The following SPAG16 variants were observed in gnomAD, a reference collection of about 807,000 sequenced individuals.
SPAG16 encodes sperm associated antigen 16, also known as sperm-associated antigen 16 protein.
In SPAG16, 86 loss-of-function variants were observed where a neutral mutation model predicts 80.4. The ratio of observed to expected loss-of-function variants is 1.07; its 90% CI spans 0.90 to 1.28. SPAG16 has a LOEUF of 1.28. Among genes scored for constraint, SPAG16 ranks in the 50% most tolerant of loss-of-function variants. The pLI is 0.00. For synonymous variants in SPAG16, 294 were observed against 265.9 expected (o/e 1.11, Z -1.03); for missense variants, 870 against 765.3 (o/e 1.14, Z -1.61).
In SPAG16 at chr2:213,890,129, T is replaced by C. The variant is rs113224050; in HGVS notation, c.1214+27501T>C. ...ATAATTTAGTGTCCTTTAAGTGAAT[T>C]AAGCAATTTCAAGCCTTATAAACAT... On this transcript the variant is annotated intron_variant, in intron 11 of 15. Transcript: ENST00000331683. Among the ~76,000 whole-genome samples, 4 of 152,182 alleles carry C rather than the reference T, an allele frequency of 2.6e-5. 1 individual carries two copies. Among genetic ancestry groups the C allele is most frequent in the African/African-American group, 9.6e-5 (4 of 41,570 alleles).
chr2:214,315,154 G>A (rs914529040), intron 15 of SPAG16, among the ~76,000 whole-genome samples: 1 of 152,104 alleles, frequency 6.6e-6, no homozygotes, highest in African/African-American at 2.4e-5. Context: ...GGGAGCATTA[G>A]GGGTGGAGCA....
chr2:213,566,455 A>T (rs1472116931), intron 10 of SPAG16, among the ~76,000 whole-genome samples: 1 of 152,100 alleles, frequency 6.6e-6, no homozygotes, highest in Non-Finnish European at 1.5e-5. Context: ...TTCATTTAAG[A>T]AAAAAATACA....
At chr2:214,310,245 A>G (rs1176084253) in intron 15 of SPAG16, among the ~76,000 whole-genome samples, 1 of 151,262 alleles carries the variant, frequency 6.6e-6, no homozygotes, top group Non-Finnish European at 1.5e-5. Flanking sequence ...TGACTGTAGT[A>G]CATATTTTGT....
At chr2:213,837,099 T>A (rs1453428934) in intron 10 of SPAG16, among the ~76,000 whole-genome samples, 1 of 152,242 alleles carries the variant, frequency 6.6e-6, no homozygotes, top group African/African-American at 2.4e-5. Flanking sequence ...AATTCTTTTC[T>A]TTTATCATCC....
chr2:214,198,207 C>T (rs962724743), intron 15 of SPAG16, among the ~76,000 whole-genome samples: 1 of 151,802 alleles, frequency 6.6e-6, no homozygotes, highest in Non-Finnish European at 1.5e-5. Context: ...AGCAGTGTAC[C>T]CTGGACCCTA....
intron 10 of SPAG16, among the ~76,000 whole-genome samples, chr2:213,853,395 C>G (rs903575771): frequency 6.6e-6 from 1 of 152,078 alleles, no homozygotes; most frequent in Non-Finnish European, 1.5e-5. Flanking sequence ...GAAAGGAGAG[C>G]TTTTGAAGTA....
chr2:213,344,304 T>C (rs2064848102), intron 6 of SPAG16, among the ~76,000 whole-genome samples: 1 of 152,146 alleles, frequency 6.6e-6, no homozygotes, highest in South Asian at 2.1e-4. Flanking sequence ...GCATTTCCAC[T>C]TCACAGCGTT....
At chr2:213,315,891 AG>A (rs1260843363) in intron 4 of SPAG16, among the ~76,000 whole-genome samples, 1 of 151,604 alleles carries the variant, frequency 6.6e-6, no homozygotes, top group Non-Finnish European at 1.5e-5. Flanking sequence ...CTTTTTTGGT[AG>A]TGTTTTCTTT....
intron 10 of SPAG16, among the ~76,000 whole-genome samples, chr2:213,656,789 C>T (rs1212755704): frequency 6.6e-6 from 1 of 152,080 alleles, no homozygotes; most frequent in African/African-American, 2.4e-5. Context: ...TTATATGCTT[C>T]AAAATTGACA....
At position 213,403,368 on chromosome 2, in the gene SPAG16, T is replaced by C. The variant is rs564336775; in HGVS notation, c.942+28249T>C. ...GTAGGTTGCAAAAATTTTCTCCCAT[T>C]CTGTCGGTTGCCTGTTCACTCTGAT... is the stretch of plus-strand genomic sequence containing the variant. On this transcript the variant is annotated intron_variant, in intron 9 of 15. Transcript: ENST00000331683. Among the ~76,000 whole-genome samples, 4 of 152,176 alleles carry C rather than the reference T, an allele frequency of 2.6e-5. No homozygotes were observed. The South Asian group carries it at 8.3e-4, about 31-fold the overall frequency.
chr2:213,595,846 TTAAAA>T (rs2060869372), intron 10 of SPAG16, among the ~76,000 whole-genome samples: 2 of 152,122 alleles, frequency 1.3e-5, no homozygotes, highest in African/African-American at 4.8e-5. Flanking sequence ...AGTTTTTTTA[TTAAAA>T]TAGAGTATTT....
At chr2:213,822,913 T>C (rs189597724) in intron 10 of SPAG16, among the ~76,000 whole-genome samples, 1 of 152,340 alleles carries the variant, frequency 6.6e-6, no homozygotes, top group Admixed American at 6.5e-5. Context: ...ATCTGGTTCC[T>C]TTTTATGGCT....
intron 10 of SPAG16, among the ~76,000 whole-genome samples, chr2:213,843,048 C>T (rs577270279): frequency 9.9e-5 from 15 of 152,150 alleles, no homozygotes; most frequent in Non-Finnish European, 1.6e-4. Context: ...GATTACACTA[C>T]TTCCCAAAAG....
chr2:213,302,111 A>G (rs1424194856), intron 3 of SPAG16, among the ~76,000 whole-genome samples: 1 of 152,200 alleles, frequency 6.6e-6, no homozygotes, highest in Non-Finnish European at 1.5e-5. Context: ...AAATGAAGCT[A>G]TGTGCTAGAG....
chr2:214,206,095 C>A (rs994119163), intron 15 of SPAG16, among the ~76,000 whole-genome samples: 1 of 152,080 alleles, frequency 6.6e-6, no homozygotes, highest in East Asian at 1.9e-4. Context: ...AATCAGGAGG[C>A]TGAGGCAGGA....
At chr2:213,872,047 A>T (rs1355120999) in intron 11 of SPAG16, among the ~76,000 whole-genome samples, 3 of 152,196 alleles carry the variant, frequency 2.0e-5, no homozygotes, top group African/African-American at 7.2e-5. Flanking sequence ...ATGTCATGTT[A>T]TATGACAAAG....
At chr2:213,367,986 A>T (rs865851555) in intron 8 of SPAG16, among the ~76,000 whole-genome samples, 14 of 147,268 alleles carry the variant, frequency 9.5e-5, no homozygotes, top group African/African-American at 2.3e-4. Context: ...GAAGGGATCC[A>T]GTTTCAGCTT....
At chr2:213,370,704 A>C (rs766830303) in intron 8 of SPAG16, among the ~76,000 whole-genome samples, 6 of 152,222 alleles carry the variant, frequency 3.9e-5, no homozygotes, top group Non-Finnish European at 7.3e-5. Context: ...TATCAATTAA[A>C]ATAAACTGAT....
At chr2:214,344,700 T>C (rs565681178) in intron 15 of SPAG16, among the ~76,000 whole-genome samples, 8 of 152,328 alleles carry the variant, frequency 5.3e-5, no homozygotes, top group African/African-American at 1.9e-4. Flanking sequence ...TGTTATTCTC[T>C]GCTCCTGCAG....
Sources: allele counts gnomAD v4.1 joint callset (sites outside exome capture counted in the v4.1 genomes callset), GRCh38; gene constraint gnomAD v4.1.1; transcripts MANE v1.5; gene names NCBI Gene and HGNC (gene_info 2026-07-23, HGNC 2026-07-21).